The following PPEF2 variants were observed in gnomAD, a reference collection of about 807,000 sequenced individuals.
The protein encoded by PPEF2 is serine/threonine-protein phosphatase with EF-hands 2.
In PPEF2, 84 loss-of-function variants were observed where a neutral mutation model predicts 84.7. The observed-to-expected ratio is 0.99, with a 90% CI of 0.83 to 1.19. The LOEUF (loss-of-function observed/expected upper bound fraction) is 1.19. Among genes scored for constraint, PPEF2 ranks in the 50% most tolerant of loss-of-function variants. The pLI is 0.00. For missense variants in PPEF2, 924 were observed against 937.5 expected (o/e 0.99, Z 0.19); for synonymous variants, 346 against 345.2 (o/e 1.00, Z -0.03).
intron 2 of PPEF2, among the ~76,000 whole-genome samples, chr4:75,892,933 G>C (rs1168940543): frequency 2.6e-5 from 4 of 152,118 alleles, no homozygotes; most frequent in Non-Finnish European, 5.9e-5. Flanking sequence ...TAGAAATCCT[G>C]CAGGCTGACT....
At chr4:75,890,595 A>G (rs1724854668) in intron 4 of PPEF2, among the ~76,000 whole-genome samples, 1 of 152,172 alleles carries the variant, frequency 6.6e-6, no homozygotes. Flanking sequence ...GGAGAAAGTG[A>G]CAACAGTCTA....
chr4:75,875,719 G>C (rs960794792), intron 11 of PPEF2, among the ~76,000 whole-genome samples: 1 of 152,242 alleles, frequency 6.6e-6, no homozygotes, highest in East Asian at 1.9e-4. Context: ...CGGTGAAGTC[G>C]GCTGCCTAAG....
chr4:75,868,681 A>G (rs1363806355), intron 13 of PPEF2, among the ~76,000 whole-genome samples: 1 of 152,092 alleles, frequency 6.6e-6, no homozygotes, highest in Admixed American at 6.5e-5. Flanking sequence ...GGACAACCAG[A>G]ATGAGACCCT....
Position 75,890,126 on chromosome 4 carries a change from A to T in PPEF2, c.248T>A (p.Phe83Tyr). The part of the protein sequence containing the change: ...FIPSSHNDRD[F>Y]LTRIFTEDRF... The stretch of plus-strand genomic sequence containing the variant: ...GTCCTCAGTGAATATGCGGGTCAGG[A>T]AGTCCCCTAGTCCAGATAGAAAAGG... The change falls in exon 5 of 17, where the codon TTC becomes TAC. Residue 83 changes from phenylalanine to tyrosine, a missense_variant. By Grantham distance (22) the Phe-to-Tyr change is conservative. Coordinates refer to ENST00000286719, the MANE Select transcript of PPEF2 (RefSeq NM_006239.3). 1.2e-6 allele frequency: 2 copies of T among 1,613,896 alleles called. No homozygotes were observed. The highest frequency in any genetic ancestry group is 1.7e-6 in the Non-Finnish European group (2 of 1,179,974).
In PPEF2 at chr4:75,896,258, G is replaced by T; in HGVS notation, c.55+13C>A. ...GGTACCCACAGCTGGTTTGGAAAGT[G>T]GGAAACACGTACCTCTCTCTGCATT... On this transcript the variant is annotated intron_variant, in intron 2 of 16. Coordinates refer to ENST00000286719, the MANE Select transcript of PPEF2 (RefSeq NM_006239.3). 1 of 1,613,348 alleles carries T rather than the reference G, an allele frequency of 6.2e-7. No individual in the cohort carries two copies. The highest frequency in any genetic ancestry group is 8.5e-7 in the Non-Finnish European group (1 of 1,179,304).
In PPEF2 at chr4:75,889,983, G is replaced by A. The variant is rs368776478; in HGVS notation, c.391C>T (p.Leu131=). 3.7e-6 allele frequency: 6 copies of A among 1,614,022 alleles called. No homozygotes were observed. The highest frequency in any genetic ancestry group is 1.7e-5 in the Admixed American group (1 of 59,992). The change falls in exon 5 of 17, where the codon CTG becomes TTG. Residue 131 remains leucine, a synonymous_variant. Transcript: ENST00000286719. The part of the protein sequence containing the change: ...FPLLPDHATA[L]VEAFRLKQQL... ...TGTTTCAGTCTGAATGCTTCTACCAGGGCAGTTGCATGGTCAGGCAGGAGT... is the reference window on the plus strand; with the variant it reads ...TGTTTCAGTCTGAATGCTTCTACCAAGGCAGTTGCATGGTCAGGCAGGAGT...
intron 10 of PPEF2, 114 bp from the exon 11 acceptor site, chr4:75,876,787 C>T (rs924366352): frequency 8.3e-7 from 1 of 1,200,564 alleles, no homozygotes; most frequent in East Asian, 2.6e-5. Context: ...CAGCAGAACA[C>T]TCAAGCCCGG....
At chr4:75,891,176 G>A (rs1195356521) in intron 4 of PPEF2, among the ~76,000 whole-genome samples, 12 of 137,800 alleles carry the variant, frequency 8.7e-5, no homozygotes, top group African/African-American at 3.4e-4. Context: ...ACGAGACTCT[G>A]TCTCAAAAAA....
intron 12 of PPEF2, among the ~76,000 whole-genome samples, chr4:75,872,512 A>C (rs906140533): frequency 6.6e-6 from 1 of 152,188 alleles, no homozygotes; most frequent in Non-Finnish European, 1.5e-5. Context: ...ACAATGAGCA[A>C]GAAGATGAGT....
Position 75,860,807 on chromosome 4 carries a change from T to C in PPEF2, c.2122A>G (p.Lys708Glu), listed in dbSNP as rs746458914. 6.2e-7 allele frequency: 1 copy of C among 1,614,268 alleles called. No homozygotes were observed. Among genetic ancestry groups the C allele is most frequent in the Admixed American group, 1.7e-5 (1 of 60,034 alleles). The change falls in exon 17 of 17, where the codon AAA becomes GAA. Residue 708 changes from lysine (K) to glutamate (E), a missense_variant. Physicochemically the swap from Lys to Glu is moderately conservative, Grantham distance 56. Transcript: ENST00000286719. Reference sequence around the variant, plus strand: ...TCATTGATATCAATGTGGCCATCTTTGTTGAAATCAATGCTCCGAGCAAGG... The same window carrying C: ...TCATTGATATCAATGTGGCCATCTTCGTTGAAATCAATGCTCCGAGCAAGG... The part of the protein sequence containing the change: ...CDLARSIDFN[K>E]DGHIDINEFL...
rs961049538 is a variant in PPEF2 at position 75,860,245 on chromosome 4, G to T, written c.*422C>A. The T allele has an allele frequency of 1.6e-5, 3 of 189,288 alleles. No homozygotes were observed. 11.7% of individuals were successfully genotyped at this position (189,288 alleles called of 1,614,324 possible). On this transcript the variant is annotated 3_prime_UTR_variant, in exon 17 of 17. Coordinates refer to ENST00000286719, the MANE Select transcript of PPEF2 (RefSeq NM_006239.3). ...TGCCTGTAATCCCAGCTACTCAGGAGGCTGAGGCAGGAGAATCGCCTGGGA... is the reference window on the plus strand; with the variant it reads ...TGCCTGTAATCCCAGCTACTCAGGATGCTGAGGCAGGAGAATCGCCTGGGA...
At chr4:75,887,622 A>C (rs1320290553) in intron 6 of PPEF2, among the ~76,000 whole-genome samples, 1 of 4,294 alleles carries the variant, frequency 2.3e-4, no homozygotes, top group Non-Finnish European at 0.025. Flanking sequence ...CTGTGTCTCA[A>C]AAAAAAAAAA....
intron 11 of PPEF2, among the ~76,000 whole-genome samples, chr4:75,874,369 C>T (rs1377676345): frequency 1.3e-5 from 2 of 151,490 alleles, no homozygotes; most frequent in Non-Finnish European, 2.9e-5. Flanking sequence ...AATCTCGGCT[C>T]ACTGCAACCT....
intron 11 of PPEF2, 90 bp downstream of exon 11, chr4:75,876,197 G>A: frequency 7.4e-7 from 1 of 1,356,978 alleles, no homozygotes; most frequent in Non-Finnish European, 9.9e-7. Flanking sequence ...AGAAAGAGGG[G>A]CCTCAAAACA....
chr4:75,883,078 G>A lies in PPEF2; in HGVS notation c.784-3C>T, dbSNP rs762234806. 6.2e-7 allele frequency: 1 copy of A among 1,613,514 alleles called. No homozygotes were observed. The highest frequency in any genetic ancestry group is 8.5e-7 in the Non-Finnish European group (1 of 1,179,754). ...CTTAGTATTTCCTTCCCGTGTACCT[G>A]GAAAAAATGATATAAACAAAATGTT... On this transcript the variant is annotated splice_region_variant and splice_polypyrimidine_tract_variant and intron_variant, in intron 9 of 16. Transcript: ENST00000286719.
chr4:75,900,870 A>G (rs1210559692), intron 1 of PPEF2, among the ~76,000 whole-genome samples: 2 of 152,140 alleles, frequency 1.3e-5, no homozygotes, highest in African/African-American at 4.8e-5. Context: ...TCATATGAAA[A>G]CGGCCCCAAG....
At position 75,873,257 on chromosome 4, in the gene PPEF2, G is replaced by T; in HGVS notation, c.1376C>A (p.Thr459Asn). The T allele has an allele frequency of 6.2e-7, 1 of 1,614,150 alleles. No homozygotes were observed. Residue 459 changes from threonine (T) to asparagine (N), a missense_variant, in exon 12 of 17, where the codon ACT becomes AAT. Thr to Asn is a moderately conservative substitution (Grantham distance 65). Transcript: ENST00000286719. ...AAAATAACAGCCTCCTCCTCGAATA[G>T]TGTTGGCCTTGCAGCCCTCTTGAGC... ...PMAQEGCKAN[T>N]IRGGGCYFGP...
intron 12 of PPEF2, 131 bp from the exon 13 acceptor site, chr4:75,872,298 CT>C (rs1404929450): frequency 1.1e-6 from 1 of 870,940 alleles, no homozygotes; most frequent in Admixed American, 3.5e-5. Flanking sequence ...CCTTTTCTTT[CT>C]TTCTTTCTTT....
At chr4:75,868,065 T>C (rs1393706603) in intron 13 of PPEF2, among the ~76,000 whole-genome samples, 1 of 151,466 alleles carries the variant, frequency 6.6e-6, no homozygotes, top group Non-Finnish European at 1.5e-5. Context: ...ATCCCAGCAC[T>C]CTGGGAGGCC....
Sources: gnomAD v4.1 joint callset for allele counts (sites outside exome capture counted in the v4.1 genomes callset) on GRCh38, gnomAD v4.1.1 for gene constraint, MANE v1.5 for transcripts, NCBI Gene and HGNC (gene_info 2026-07-23, HGNC 2026-07-21) for gene names.